NCOA1: variants seen among roughly 807,000 people sequenced by gnomAD.
NCOA1 encodes nuclear receptor coactivator 1, also known as Hin-2 protein.
A neutral mutation model predicts 150.9 loss-of-function variants in NCOA1; 35 were observed. The observed-to-expected ratio is 0.23, with a 90% CI of 0.18 to 0.31. The LOEUF is 0.31. Among genes scored for constraint, NCOA1 ranks in the 10% least tolerant of loss-of-function variants. The probability of loss-of-function intolerance (pLI) is 1.00; values close to 1 mark genes in which losing one functional copy is unlikely to be tolerated. For missense variants in NCOA1, 1,491 were observed against 1,749.3 expected (o/e 0.85, Z 2.63); for synonymous variants, 590 against 630.0 (o/e 0.94, Z 0.95).
chr2:24,529,531 A>G (rs1664792712), intron 1 of NCOA1, among the ~76,000 whole-genome samples: 2 of 151,960 alleles, frequency 1.3e-5, no homozygotes, highest in African/African-American at 2.4e-5. Flanking sequence ...GATATAAGGT[A>G]TTGCTGTGTT....
intron 14 of NCOA1, among the ~76,000 whole-genome samples, chr2:24,719,051 A>AC (rs1208417753): frequency 1.3e-5 from 2 of 150,858 alleles, no homozygotes; most frequent in African/African-American, 2.4e-5. Flanking sequence ...AAAAAAAAAA[A>AC]AAAACCCCAA....
chr2:24,680,046 T>G (rs1363390204), intron 7 of NCOA1, among the ~76,000 whole-genome samples: 1 of 152,208 alleles, frequency 6.6e-6, no homozygotes, highest in East Asian at 1.9e-4. Context: ...TCTTGTCCAT[T>G]CATCTGTTGG....
At chr2:24,659,737 G>T (rs1163687206) in intron 5 of NCOA1, among the ~76,000 whole-genome samples, 2 of 152,134 alleles carry the variant, frequency 1.3e-5, no homozygotes, top group Non-Finnish European at 2.9e-5. Context: ...GACATTTCGT[G>T]TCAGATAATT....
chr2:24,505,983 C>A (rs1663676749), intron 1 of NCOA1, among the ~76,000 whole-genome samples: 1 of 151,288 alleles, frequency 6.6e-6, no homozygotes, highest in South Asian at 2.1e-4. Context: ...CACACACACA[C>A]TCACTCTCAC....
intron 2 of NCOA1, among the ~76,000 whole-genome samples, chr2:24,581,077 C>A (rs970081946): frequency 6.6e-6 from 1 of 152,188 alleles, no homozygotes; most frequent in African/African-American, 2.4e-5. Flanking sequence ...GAGTTCTTGC[C>A]CACATTGATT....
chr2:24,647,025 C>T (rs1009157434), intron 4 of NCOA1, among the ~76,000 whole-genome samples: 4 of 151,994 alleles, frequency 2.6e-5, no homozygotes, highest in African/African-American at 9.7e-5. Flanking sequence ...AGGTAAGTCA[C>T]GATTCGCTAT....
chr2:24,662,964 CTT>C (rs372780851), intron 5 of NCOA1, among the ~76,000 whole-genome samples: 4 of 144,692 alleles, frequency 2.8e-5, no homozygotes, highest in Admixed American at 6.9e-5. Flanking sequence ...ATTTTTTTTT[CTT>C]TTTTTTTTTT....
chr2:24,672,363 T>C (rs1019242627), intron 6 of NCOA1, among the ~76,000 whole-genome samples: 2 of 152,152 alleles, frequency 1.3e-5, no homozygotes, highest in African/African-American at 2.4e-5. Flanking sequence ...ATATGTGCTG[T>C]ATAATTTTCT....
chr2:24,726,457 A>G, intron 14 of NCOA1, 132 bp from the exon 15 acceptor site: 1 of 530,728 alleles, frequency 1.9e-6, no homozygotes, highest in Non-Finnish European at 3.4e-6. Context: ...AAATTGCTGA[A>G]TAAGTGACCT....
chr2:24,513,635 G>A (rs1398194238), intron 1 of NCOA1, among the ~76,000 whole-genome samples: 1 of 152,164 alleles, frequency 6.6e-6, no homozygotes, highest in East Asian at 1.9e-4. Flanking sequence ...CTTGCGTATA[G>A]GATTGGAATC....
rs1161462932 is a variant in NCOA1 at position 24,610,198 on chromosome 2, C to T, written c.-175+25638C>T. Among the ~76,000 whole-genome samples the T allele has an allele frequency of 2.8e-5, 4 of 145,192 alleles. No homozygotes were observed. In the East Asian group the frequency reaches 8.2e-4, roughly 30 times the overall value. On this transcript the variant is annotated intron_variant, in intron 3 of 22. Transcript: ENST00000348332. ...GGAGTGCAGTGGCGTGATCTCTGCT[C>T]ACTGCAACCTCCATCTTCCGGTTCA... is the stretch of plus-strand genomic sequence containing the variant.
At chr2:24,532,414 C>T (rs1664938404) in intron 1 of NCOA1, among the ~76,000 whole-genome samples, 1 of 152,058 alleles carries the variant, frequency 6.6e-6, no homozygotes, top group Non-Finnish European at 1.5e-5. Flanking sequence ...CCTGTTTACT[C>T]TGATGGTAGT....
chr2:24,754,258 G>A (rs2148683932), intron 20 of NCOA1, among the ~76,000 whole-genome samples: 1 of 152,160 alleles, frequency 6.6e-6, no homozygotes, highest in East Asian at 1.9e-4. Flanking sequence ...AACACATGAG[G>A]CAGAGTATGT....
intron 5 of NCOA1, among the ~76,000 whole-genome samples, chr2:24,663,664 AT>A (rs937478575): frequency 4.6e-5 from 7 of 152,070 alleles, no homozygotes; most frequent in African/African-American, 1.4e-4. Flanking sequence ...TTAAGGTAGA[AT>A]TTTTTTGCCA....
At chr2:24,578,337 CTG>C (rs1429562363) in intron 2 of NCOA1, among the ~76,000 whole-genome samples, 1 of 151,890 alleles carries the variant, frequency 6.6e-6, no homozygotes, top group African/African-American at 2.4e-5. Context: ...ACTCGTGAAA[CTG>C]TGCAAAGAAT....
intron 1 of NCOA1, among the ~76,000 whole-genome samples, chr2:24,533,299 G>A (rs1412385311): frequency 6.6e-6 from 1 of 152,166 alleles, no homozygotes; most frequent in Non-Finnish European, 1.5e-5. Context: ...CATTGATTTT[G>A]TATCCTGAGA....
At chr2:24,616,677 A>G (rs753949003) in intron 3 of NCOA1, among the ~76,000 whole-genome samples, 5 of 152,172 alleles carry the variant, frequency 3.3e-5, no homozygotes, top group Non-Finnish European at 5.9e-5. Context: ...CTACTTGCAT[A>G]TCTGTATGAC....
chr2:24,757,422 T>C lies in NCOA1; in HGVS notation c.3882-551T>C, dbSNP rs184282892. Among the ~76,000 whole-genome samples, 459 of 152,312 alleles carry C rather than the reference T, an allele frequency of 3.0e-3. 2 individuals are homozygous for C. Among genetic ancestry groups the C allele is most frequent in the African/African-American group, 0.011 (440 of 41,570 alleles). ...ATTCATTTATTCATCAGGTATTTAC[T>C]GAGTGCCTGCTATATGTCACATATT... On this transcript the variant is annotated intron_variant, in intron 20 of 22. Coordinates refer to ENST00000348332, the MANE Select transcript of NCOA1 (RefSeq NM_003743.5).
chr2:24,569,552 ATTTTTTTTT>A (rs200639064), intron 2 of NCOA1, among the ~76,000 whole-genome samples: 7,109 of 93,848 alleles, frequency 0.076, 301 homozygotes, highest in East Asian at 0.27. Context: ...GGTTTTATTA[ATTTTTTTTT>A]TTTTTTTTTT....
Sources: gnomAD v4.1 joint callset for allele counts (sites outside exome capture counted in the v4.1 genomes callset) on GRCh38, gnomAD v4.1.1 for gene constraint, MANE v1.5 for transcripts, NCBI Gene and HGNC (gene_info 2026-07-23, HGNC 2026-07-21) for gene names.